Variants in NTM observed in about 807,000 individuals in gnomAD.
NTM encodes the protein IgLON family member 2.
In NTM, 13 loss-of-function variants were observed where a neutral mutation model predicts 42.1. The ratio of observed to expected loss-of-function variants is 0.31; its 90% CI spans 0.20 to 0.49. The LOEUF is 0.49. Ranked by LOEUF, NTM falls within the 20% of genes least tolerant of loss-of-function variation. NTM has a pLI of 0.99. For synonymous variants in NTM, 187 were observed against 179.2 expected, an observed-to-expected ratio of 1.04 and a Z score of -0.35; for missense variants, 373 against 452.8, an observed-to-expected ratio of 0.82 and a Z score of 1.60.
chr11:132,048,820 T>TC (rs1566026966), intron 2 of NTM, among the ~76,000 whole-genome samples: 111 of 20,838 alleles, frequency 5.3e-3, no homozygotes, highest in Non-Finnish European at 8.3e-3. Flanking sequence ...TCTTTTTTCT[T>TC]TTTTTTTTTT....
chr11:131,996,662 G>A (rs2068091901), intron 2 of NTM, among the ~76,000 whole-genome samples: 1 of 151,324 alleles, frequency 6.6e-6, no homozygotes, highest in South Asian at 2.1e-4. Flanking sequence ...GGTGTCTTGG[G>A]ATTTACAGCT....
rs78138874 is a variant in NTM at position 131,384,465 on chromosome 11, C to T, written c.82+13577C>T. Among the ~76,000 whole-genome samples, 1,497 of 152,226 alleles carry T rather than the reference C, an allele frequency of 9.8e-3. 19 individuals are homozygous for T. Among genetic ancestry groups the T allele is most frequent in the African/African-American group, 0.034 (1,428 of 41,530 alleles). On this transcript the variant is annotated intron_variant, in intron 1 of 8. Transcript: ENST00000683400. ...ATCTCTTCCATGTTCTTGGGGATAA[C>T]AGTTTTGTGGGGCGGAACAATGGGG...
intron 4 of NTM, among the ~76,000 whole-genome samples, chr11:132,263,257 C>G (rs1591607177): frequency 6.6e-6 from 1 of 152,166 alleles, no homozygotes; most frequent in African/African-American, 2.4e-5. Context: ...GTGGTGCTCC[C>G]CTGACCTCAT....
chr11:131,720,729 T>C (rs2078232653), intron 1 of NTM, among the ~76,000 whole-genome samples: 1 of 152,180 alleles, frequency 6.6e-6, no homozygotes, highest in South Asian at 2.1e-4. Context: ...CAGCGTGTTA[T>C]AGTGGTTACA....
intron 1 of NTM, among the ~76,000 whole-genome samples, chr11:131,836,475 T>A (rs190719735): frequency 6.6e-6 from 1 of 152,328 alleles, no homozygotes; most frequent in African/African-American, 2.4e-5. Flanking sequence ...ACAGTGAATT[T>A]TGACATGTGA....
At chr11:132,028,066 T>A (rs1382845771) in intron 2 of NTM, among the ~76,000 whole-genome samples, 1 of 152,088 alleles carries the variant, frequency 6.6e-6, no homozygotes, top group Non-Finnish European at 1.5e-5. Context: ...TCTTTTGAAT[T>A]CTTTTTTACA....
chr11:132,095,739 T>G (rs1442841500), intron 2 of NTM, among the ~76,000 whole-genome samples: 1 of 152,118 alleles, frequency 6.6e-6, no homozygotes, highest in Non-Finnish European at 1.5e-5. Context: ...CCACCAGCTG[T>G]GTATCATCAT....
intron 4 of NTM, among the ~76,000 whole-genome samples, chr11:132,230,225 A>G (rs1350569470): frequency 6.6e-6 from 1 of 152,264 alleles, no homozygotes; most frequent in East Asian, 1.9e-4. Flanking sequence ...CAGCAAAGCT[A>G]ATAAAGACGA....
intron 1 of NTM, among the ~76,000 whole-genome samples, chr11:131,637,894 A>G (rs1331926425): frequency 6.6e-6 from 1 of 152,058 alleles, no homozygotes; most frequent in East Asian, 1.9e-4. Flanking sequence ...AGAATTTTCT[A>G]TTTGCTTTGC....
intron 3 of NTM, among the ~76,000 whole-genome samples, chr11:132,205,415 G>A (rs2081845950): frequency 6.6e-6 from 1 of 152,080 alleles, no homozygotes; most frequent in South Asian, 2.1e-4. Flanking sequence ...CCAAGAGTAG[G>A]GAAGTTCCTC....
chr11:132,163,680 T>G (rs1566346890), intron 3 of NTM, among the ~76,000 whole-genome samples: 1 of 152,192 alleles, frequency 6.6e-6, no homozygotes, highest in Non-Finnish European at 1.5e-5. Flanking sequence ...AGGATCAGGT[T>G]AACCTGACTC....
At chr11:132,144,682 G>A (rs2069954927) in intron 2 of NTM, among the ~76,000 whole-genome samples, 1 of 152,164 alleles carries the variant, frequency 6.6e-6, no homozygotes, top group Admixed American at 6.5e-5. Context: ...AATATAAGTA[G>A]TCCATGAGCA....
chr11:131,598,391 C>T (rs1280306444), intron 1 of NTM, among the ~76,000 whole-genome samples: 12 of 152,158 alleles, frequency 7.9e-5, no homozygotes, highest in Admixed American at 4.6e-4. Flanking sequence ...ACAACAAATC[C>T]CTTGTACTAC....
At chr11:132,136,530 C>CTT in intron 2 of NTM, among the ~76,000 whole-genome samples, 1 of 152,276 alleles carries the variant, frequency 6.6e-6, no homozygotes, top group Non-Finnish European at 1.5e-5. Context: ...CCAGCCACTC[C>CTT]CTCCCACCAC....
chr11:131,863,733 A>G (rs1237418720), intron 1 of NTM, among the ~76,000 whole-genome samples: 2 of 152,140 alleles, frequency 1.3e-5, no homozygotes, highest in Non-Finnish European at 2.9e-5. Context: ...CCCTCCTCCC[A>G]TCTGCCTTCT....
chr11:132,313,667 G>C (rs1422217181), intron 6 of NTM, among the ~76,000 whole-genome samples: 35 of 152,178 alleles, frequency 2.3e-4, no homozygotes. Flanking sequence ...AACTTCCTGA[G>C]AAGGAGGACA....
rs1360957735 is a variant in NTM, at chr11:131,616,776, GGGGTGTGTGT to G, written c.82+245890_82+245899del. 1.0e-2 allele frequency among the ~76,000 whole-genome samples: 1,426 copies of G among 143,242 alleles called. 28 individuals are homozygous for G. The highest frequency in any genetic ancestry group is 0.035 in the African/African-American group (1,343 of 38,560). The allele number at this position is 143,242 out of a possible 152,430, so 94.0% of individuals were successfully genotyped here. A position where few individuals can be genotyped will look rare whatever the true frequency, so the allele number is the denominator to read the frequency against. On this transcript the variant is annotated intron_variant, in intron 1 of 8. Transcript: ENST00000683400. ...GGTTTTACAAGCACACTGTCTTGAG[GGGGTGTGTGT>G]GTGTGTGTGTGTGTGTGTGTGTGTG...
intron 1 of NTM, among the ~76,000 whole-genome samples, chr11:131,791,916 C>A (rs2090992371): frequency 2.0e-5 from 3 of 152,122 alleles, no homozygotes; most frequent in African/African-American, 7.2e-5. Context: ...ATAGAAACAG[C>A]AGTGTCTATC....
At chr11:132,294,159 G>A (rs536710250) in intron 4 of NTM, among the ~76,000 whole-genome samples, 20 of 152,252 alleles carry the variant, frequency 1.3e-4, no homozygotes, top group Admixed American at 4.6e-4. Flanking sequence ...AGTCACAGGA[G>A]CAAGCTTCTG....
Sources: gnomAD v4.1 joint callset for allele counts (sites outside exome capture counted in the v4.1 genomes callset) on GRCh38, gnomAD v4.1.1 for gene constraint, MANE v1.5 for transcripts, NCBI Gene and HGNC (gene_info 2026-07-23, HGNC 2026-07-21) for gene names.